TPO: variants seen among roughly 807,000 people sequenced by gnomAD.
TPO encodes thyroid microsomal antigen.
In TPO, 78 loss-of-function variants were observed where a neutral mutation model predicts 96.9. The observed-to-expected ratio is 0.81, with a 90% CI of 0.67 to 0.97. TPO has a LOEUF of 0.97. Ranked by LOEUF, TPO falls within the 50% of genes least tolerant of loss-of-function variation. The pLI is 0.00. For synonymous variants in TPO, 547 were observed against 538.0 expected (o/e 1.02, Z -0.23); for missense variants, 1,252 against 1,274.8 (o/e 0.98, Z 0.27).
chr2:1,470,931 G>T (rs1669347239), intron 7 of TPO, among the ~76,000 whole-genome samples: 1 of 152,180 alleles, frequency 6.6e-6, no homozygotes, highest in South Asian at 2.1e-4. Context: ...CCAACGCAGT[G>T]CCATATTTAC....
At position 1,492,160 on chromosome 2, in the gene TPO, T is replaced by C. The variant is rs539170299; in HGVS notation, c.1769-1642T>C. ...CTAAAAGCTCAGGATTTTTTTTGTT[T>C]TTTGTTTTTTTGAGACGAAGTCTCA... On this transcript the variant is annotated intron_variant, in intron 10 of 16. Coordinates refer to ENST00000329066, the MANE Select transcript of TPO (RefSeq NM_001206744.2). 3.1e-3 allele frequency among the ~76,000 whole-genome samples: 364 copies of C among 115,840 alleles called. 2 individuals are homozygous for C. The highest frequency in any genetic ancestry group is 4.9e-3 in the Non-Finnish European group (277 of 56,866). The allele number at this position is 115,840 out of a possible 152,430, so 76.0% of individuals were successfully genotyped here.
At chr2:1,509,626 C>A (rs1173549392) in intron 14 of TPO, among the ~76,000 whole-genome samples, 1 of 147,014 alleles carries the variant, frequency 6.8e-6, no homozygotes, top group Non-Finnish European at 1.5e-5. Context: ...CTGTGTCAGG[C>A]ACACCCCACC....
intron 1 of TPO, among the ~76,000 whole-genome samples, chr2:1,378,944 C>A (rs1661764156): frequency 6.6e-6 from 1 of 152,142 alleles, no homozygotes; most frequent in African/African-American, 2.4e-5. Context: ...AGGTGCACAC[C>A]ATTGAGTGGA....
chr2:1,436,278 A>T lies in TPO; in HGVS notation c.376A>T (p.Ile126Phe). The T allele has an allele frequency of 6.2e-7, 1 of 1,614,258 alleles. No homozygotes were observed. Among genetic ancestry groups the T allele is most frequent in the Non-Finnish European group, 8.5e-7 (1 of 1,180,052 alleles). Residue 126 changes from isoleucine (I) to phenylalanine (F), a missense_variant, in exon 5 of 17, where the codon ATC becomes TTC. Physicochemically the swap from Ile to Phe is conservative, Grantham distance 21. Coordinates refer to ENST00000329066, the MANE Select transcript of TPO (RefSeq NM_001206744.2). ...TGCTTTATCAGAAGATCTGCTGAGC[A>T]TCATTGCAAACATGTCTGGATGTCT... ...TDALSEDLLS[I>F]IANMSGCLPY... is the part of the protein sequence containing the mutation.
In TPO at chr2:1,456,034, A is replaced by G. The variant is rs4927610; in HGVS notation, c.613-42A>G. The G allele has an allele frequency of 0.94, 1,503,613 of 1,595,194 alleles. 708,995 individuals carry two copies. The highest frequency in any genetic ancestry group is 0.98 in the South Asian group (86,886 of 88,946). On this transcript the variant is annotated intron_variant, in intron 6 of 16. Transcript: ENST00000329066. Reference sequence around the variant, plus strand: ...CAAAGGGTCATCTTTCTGCTACCACAGGGTCCTCCTATGTCCTGACCAATG... The same window carrying G: ...CAAAGGGTCATCTTTCTGCTACCACGGGGTCCTCCTATGTCCTGACCAATG...
At chr2:1,511,603 G>T (rs1440251515) in intron 14 of TPO, among the ~76,000 whole-genome samples, 1 of 152,192 alleles carries the variant, frequency 6.6e-6, no homozygotes, top group African/African-American at 2.4e-5. Context: ...GGGAGGGCAC[G>T]GTTGGCTCCC....
intron 15 of TPO, among the ~76,000 whole-genome samples, chr2:1,531,511 G>C (rs1399491776): frequency 1.2e-3 from 41 of 33,438 alleles, no homozygotes; most frequent in East Asian, 0.011. Flanking sequence ...TCCCAAAATT[G>C]CCCCCACTGT....
intron 15 of TPO, among the ~76,000 whole-genome samples, chr2:1,529,645 C>G (rs1205829394): frequency 1.7e-4 from 3 of 17,406 alleles, no homozygotes; most frequent in South Asian, 2.5e-3. Context: ...AATCCCCGTA[C>G]TGTGTGCAAC....
chr2:1,483,530 G>A (rs1670836997), intron 8 of TPO, among the ~76,000 whole-genome samples: 1 of 152,222 alleles, frequency 6.6e-6, no homozygotes, highest in South Asian at 2.1e-4. Flanking sequence ...GGAGCCCCTT[G>A]GACACCTGTG....
intron 10 of TPO, among the ~76,000 whole-genome samples, chr2:1,490,030 A>G (rs1462819091): frequency 2.3e-5 from 2 of 88,018 alleles, no homozygotes; most frequent in East Asian, 6.8e-4. Context: ...GGTCCCACAC[A>G]GGGGGAGTCG....
At position 1,386,701 on chromosome 2, in the gene TPO, G is replaced by C. The variant is rs185192652; in HGVS notation, n.180+12299G>C. On this transcript the variant is annotated intron_variant and non_coding_transcript_variant, in intron 1 of 5. Coordinates refer to the TPO transcript ENST00000497517. Reference sequence around the variant, plus strand: ...CTGTGTCTTTTAATTGGAGCATTTAGCCCATTTACATTTAAGGTTAATTTT... The same window carrying C: ...CTGTGTCTTTTAATTGGAGCATTTACCCCATTTACATTTAAGGTTAATTTT... 6.2e-4 allele frequency among the ~76,000 whole-genome samples: 95 copies of C among 152,156 alleles called. 1 individual carries two copies. The highest frequency in any genetic ancestry group is 2.2e-3 in the African/African-American group (93 of 41,486).
chr2:1,408,898 G>A (rs1662285890), upstream of TPO, among the ~76,000 whole-genome samples: 1 of 152,188 alleles, frequency 6.6e-6, no homozygotes, highest in Non-Finnish European at 1.5e-5. Flanking sequence ...TTAGAAAGAC[G>A]TGGCTGAAAT....
intron 8 of TPO, chr2:1,477,827 C>T (rs1287580479): frequency 1.0e-6 from 1 of 985,296 alleles, no homozygotes; most frequent in African/African-American, 1.7e-5. Flanking sequence ...TGTGCAGGGG[C>T]CGAAGGGTAA....
intron 14 of TPO, among the ~76,000 whole-genome samples, chr2:1,513,064 A>G (rs13403265): frequency 0.15 from 23,182 of 152,214 alleles, 1,880 homozygotes; most frequent in Non-Finnish European, 0.16. Context: ...TGGCGCAGCC[A>G]TCAGTGCCCT....
At chr2:1,531,258 C>A (rs1271936179) in intron 15 of TPO, among the ~76,000 whole-genome samples, 1 of 122,498 alleles carries the variant, frequency 8.2e-6, no homozygotes, top group Non-Finnish European at 1.7e-5. Flanking sequence ...ATTCCCCCCA[C>A]TGTGTGGACC....
chr2:1,458,005 A>G (rs1668018997), intron 7 of TPO, among the ~76,000 whole-genome samples: 1 of 151,878 alleles, frequency 6.6e-6, no homozygotes, highest in African/African-American at 2.4e-5. Flanking sequence ...TGTATATGGC[A>G]TATAAGATAG....
At chr2:1,519,030 T>G (rs1372678879) in intron 15 of TPO, among the ~76,000 whole-genome samples, 1 of 152,156 alleles carries the variant, frequency 6.6e-6, no homozygotes, top group African/African-American at 2.4e-5. Flanking sequence ...AAGGCCATCT[T>G]GACGGGAAGG....
At chr2:1,530,874 C>A (rs1244025999) in intron 15 of TPO, among the ~76,000 whole-genome samples, 1 of 126,944 alleles carries the variant, frequency 7.9e-6, no homozygotes, top group Non-Finnish European at 1.7e-5. Context: ...TGTGCAACCT[C>A]CGCAAATCCC....
intron 4 of TPO, among the ~76,000 whole-genome samples, chr2:1,435,794 T>C (rs908982339): frequency 1.3e-5 from 2 of 152,336 alleles, no homozygotes; most frequent in African/African-American, 4.8e-5. Flanking sequence ...ACCATCTTCA[T>C]CAAGGCAAGA....
Sources: gnomAD v4.1 joint callset for allele counts (sites outside exome capture counted in the v4.1 genomes callset) on GRCh38, gnomAD v4.1.1 for gene constraint, MANE v1.5 for transcripts, NCBI Gene and HGNC (gene_info 2026-07-23, HGNC 2026-07-21) for gene names.